Variants in RBFOX1 observed in about 807,000 individuals in gnomAD.
The protein encoded by RBFOX1 is RNA binding protein fox-1 homolog 1.
In RBFOX1, 8 loss-of-function variants were observed where a neutral mutation model predicts 57.7. The observed-to-expected ratio is 0.14, with a 90% CI of 0.08 to 0.25. The LOEUF is 0.25. Among genes scored for constraint, RBFOX1 ranks in the 10% least tolerant of loss-of-function variants. The probability of loss-of-function intolerance (pLI) is 1.00; values close to 1 mark genes in which losing one functional copy is unlikely to be tolerated. For missense variants in RBFOX1, 611 were observed against 548.5 expected, an observed-to-expected ratio of 1.11 and a Z score of -1.14; for synonymous variants, 326 against 222.4, an observed-to-expected ratio of 1.47 and a Z score of -4.15.
At chr16:6,626,397 A>T (rs758287680) in intron 2 of RBFOX1, among the ~76,000 whole-genome samples, 7 of 152,150 alleles carry the variant, frequency 4.6e-5, no homozygotes, top group Non-Finnish European at 1.0e-4. Flanking sequence ...CTGATTCATC[A>T]TTCTTCCTCC....
chr16:6,826,176 C>A (rs569187286), intron 3 of RBFOX1, among the ~76,000 whole-genome samples: 1 of 152,144 alleles, frequency 6.6e-6, no homozygotes, highest in Admixed American at 6.5e-5. Context: ...GACTCATCGT[C>A]GCCACGTAGG....
intron 2 of RBFOX1, among the ~76,000 whole-genome samples, chr16:6,360,699 T>C (rs2088304663): frequency 6.6e-6 from 1 of 152,222 alleles, no homozygotes; most frequent in Non-Finnish European, 1.5e-5. Context: ...CAGAAATTCA[T>C]TGACCCATCT....
intron 3 of RBFOX1, among the ~76,000 whole-genome samples, chr16:6,923,122 A>C (rs1383373635): frequency 6.6e-6 from 1 of 152,170 alleles, no homozygotes; most frequent in Non-Finnish European, 1.5e-5. Context: ...TAGAATTCCA[A>C]AGGAGATAGG....
chr16:7,388,644 C>CTTTTTTTTTTTTTTTT (rs61629644), intron 4 of RBFOX1, among the ~76,000 whole-genome samples: 1 of 92,620 alleles, frequency 1.1e-5, no homozygotes, highest in Non-Finnish European at 2.0e-5. Context: ...GTTTCACTTA[C>CTTTTTTTTTTTTTTTT]TTTTTTTTTT....
chr16:7,013,993 C>G (rs999810314), intron 3 of RBFOX1, among the ~76,000 whole-genome samples: 2 of 152,088 alleles, frequency 1.3e-5, no homozygotes, highest in Non-Finnish European at 2.9e-5. Flanking sequence ...CGTCAGTATT[C>G]TCACTAAAAG....
At chr16:6,878,750 G>A (rs1356765105) in intron 3 of RBFOX1, among the ~76,000 whole-genome samples, 2 of 152,150 alleles carry the variant, frequency 1.3e-5, no homozygotes, top group African/African-American at 4.8e-5. Context: ...TCCCATGAGA[G>A]TTTAAGGACC....
intron 3 of RBFOX1, among the ~76,000 whole-genome samples, chr16:5,619,567 C>T (rs909636910): frequency 2.0e-5 from 3 of 152,168 alleles, no homozygotes; most frequent in Admixed American, 6.5e-5. Flanking sequence ...GCCAGACTGC[C>T]TCCGGACAGA....
chr16:5,643,331 C>G (rs2048942902), intron 3 of RBFOX1, among the ~76,000 whole-genome samples: 1 of 152,174 alleles, frequency 6.6e-6, no homozygotes, highest in African/African-American at 2.4e-5. Flanking sequence ...GCCCCCTGCT[C>G]ACTCCCTCTG....
intron 2 of RBFOX1, among the ~76,000 whole-genome samples, chr16:6,445,306 G>A (rs2094462192): frequency 1.3e-5 from 2 of 152,060 alleles, no homozygotes; most frequent in Non-Finnish European, 1.5e-5. Context: ...TGTTACATAT[G>A]TATACATGTG....
chr16:6,877,142 C>T (rs1410026570), intron 3 of RBFOX1, among the ~76,000 whole-genome samples: 1 of 152,014 alleles, frequency 6.6e-6, no homozygotes, highest in Non-Finnish European at 1.5e-5. Context: ...CAACAGTAAA[C>T]AAAAAAGCAG....
At chr16:6,444,505 GA>G (rs1177873027) in intron 2 of RBFOX1, among the ~76,000 whole-genome samples, 2 of 152,162 alleles carry the variant, frequency 1.3e-5, no homozygotes, top group African/African-American at 4.8e-5. Flanking sequence ...TTTATAAAGA[GA>G]AGTTTCCCTG....
At chr16:5,414,800 T>A (rs9926610) in intron 1 of RBFOX1, among the ~76,000 whole-genome samples, 94,552 of 151,966 alleles carry the variant, frequency 0.62, 29,766 homozygotes, top group East Asian at 0.82. Flanking sequence ...ACGTGACATA[T>A]AGAGTTGGGG....
intron 3 of RBFOX1, among the ~76,000 whole-genome samples, chr16:6,979,697 G>A (rs1003744574): frequency 4.6e-5 from 7 of 152,244 alleles, no homozygotes; most frequent in South Asian, 2.1e-4. Context: ...CATGTGAGGC[G>A]TTATTATGCT....
chr16:7,449,119 G>A (rs989977126), intron 4 of RBFOX1, among the ~76,000 whole-genome samples: 3 of 151,842 alleles, frequency 2.0e-5, no homozygotes, highest in African/African-American at 7.3e-5. Flanking sequence ...AGTAGAGACG[G>A]GGTTTCTCCA....
chr16:6,658,769 C>G (rs557953677), intron 3 of RBFOX1, among the ~76,000 whole-genome samples: 43 of 152,172 alleles, frequency 2.8e-4, no homozygotes, highest in Non-Finnish European at 1.2e-4. Flanking sequence ...TCCAAGCCCG[C>G]CAATTAGCAG....
chr16:7,238,166 C>T lies in RBFOX1; in HGVS notation c.27+186068C>T, dbSNP rs564552674. Among the ~76,000 whole-genome samples the T allele has an allele frequency of 3.0e-4, 45 of 151,998 alleles. 1 individual carries two copies. The highest frequency in any genetic ancestry group is 5.4e-4 in the Non-Finnish European group (37 of 68,012). ...TCACAAAGACAAAAAGTGGCATGGT[C>T]GTTACCAAGGGCTGGGAGAAAAGAG... is the stretch of plus-strand genomic sequence containing the variant. On this transcript the variant is annotated intron_variant, in intron 4 of 15. Coordinates refer to ENST00000550418, the MANE Select transcript of RBFOX1 (RefSeq NM_018723.4).
At chr16:6,742,503 A>G (rs764522076) in intron 3 of RBFOX1, among the ~76,000 whole-genome samples, 1 of 152,162 alleles carries the variant, frequency 6.6e-6, no homozygotes, top group South Asian at 2.1e-4. Context: ...ATGAAAGTTA[A>G]TGTCCACGAA....
intron 3 of RBFOX1, among the ~76,000 whole-genome samples, chr16:6,872,936 C>G (rs548808008): frequency 2.6e-5 from 4 of 152,124 alleles, no homozygotes; most frequent in African/African-American, 4.8e-5. Flanking sequence ...CTGACACTTG[C>G]TCTGTTTTAC....
At chr16:5,912,064 C>T (rs2058614484) in intron 4 of RBFOX1, among the ~76,000 whole-genome samples, 1 of 152,118 alleles carries the variant, frequency 6.6e-6, no homozygotes, top group African/African-American at 2.4e-5. Flanking sequence ...CACCCAAGCG[C>T]CATCTAAAGT....
Sources: allele counts gnomAD v4.1 joint callset (sites outside exome capture counted in the v4.1 genomes callset), GRCh38; gene constraint gnomAD v4.1.1; transcripts MANE v1.5; gene names NCBI Gene and HGNC (gene_info 2026-07-23, HGNC 2026-07-21).